The following PCDH15 variants were observed in gnomAD, a reference collection of about 807,000 sequenced individuals.
PCDH15 encodes the protein protocadherin-15.
In PCDH15, 129 loss-of-function variants were observed where a neutral mutation model predicts 178.5. The ratio of observed to expected loss-of-function variants is 0.72; its 90% CI spans 0.63 to 0.84. The LOEUF (loss-of-function observed/expected upper bound fraction) is 0.84. Ranked by LOEUF, PCDH15 falls within the 40% of genes least tolerant of loss-of-function variation. The pLI is 0.00. For synonymous variants in PCDH15, 800 were observed against 732.0 expected (o/e 1.09, Z -1.50); for missense variants, 2,230 against 2,099.9 (o/e 1.06, Z -1.21).
chr10:54,035,483 G>A (rs1287404821), intron 18 of PCDH15, among the ~76,000 whole-genome samples: 1 of 151,808 alleles, frequency 6.6e-6, no homozygotes, highest in East Asian at 1.9e-4. Flanking sequence ...TTGTGTTGGG[G>A]TGCCGCAGAA....
At chr10:55,145,633 C>T (rs1223120552) in intron 2 of PCDH15, among the ~76,000 whole-genome samples, 4 of 151,962 alleles carry the variant, frequency 2.6e-5, no homozygotes, top group African/African-American at 9.7e-5. Context: ...AGATGACATC[C>T]TTTGTTTCTT....
chr10:54,770,420 C>G (rs1948964728), intron 1 of PCDH15, among the ~76,000 whole-genome samples: 1 of 152,110 alleles, frequency 6.6e-6, no homozygotes. Context: ...CAGTTACCTT[C>G]TCATGAATGA....
intron 2 of PCDH15, among the ~76,000 whole-genome samples, chr10:54,635,613 G>T (rs1160572975): frequency 6.6e-6 from 1 of 151,750 alleles, no homozygotes; most frequent in Admixed American, 6.6e-5. Context: ...AATGAAAATT[G>T]TATTAGTTAG....
intron 2 of PCDH15, among the ~76,000 whole-genome samples, chr10:54,941,040 T>C (rs968482340): frequency 1.3e-5 from 2 of 152,140 alleles, no homozygotes; most frequent in African/African-American, 4.8e-5. Context: ...TAGATTTATG[T>C]CTTCCATTTT....
intron 2 of PCDH15, among the ~76,000 whole-genome samples, chr10:55,119,979 G>GTT (rs369317292): frequency 2.2e-4 from 32 of 146,750 alleles, no homozygotes; most frequent in African/African-American, 7.5e-4. Context: ...TGTCTTAAAT[G>GTT]TTTTTTTTTT....
intron 13 of PCDH15, among the ~76,000 whole-genome samples, chr10:54,164,817 A>G (rs1285344378): frequency 1.3e-5 from 2 of 152,206 alleles, no homozygotes; most frequent in Non-Finnish European, 2.9e-5. Flanking sequence ...AAGATATTAT[A>G]TCTAAAGTTA....
At chr10:54,682,659 CAG>C (rs1212856224) in intron 1 of PCDH15, among the ~76,000 whole-genome samples, 12 of 152,072 alleles carry the variant, frequency 7.9e-5, no homozygotes, top group Non-Finnish European at 1.8e-4. Context: ...GATGCTGTCT[CAG>C]AGAGCCCTTT....
At chr10:54,922,725 A>G (rs1598173) in intron 2 of PCDH15, among the ~76,000 whole-genome samples, 13 of 152,012 alleles carry the variant, frequency 8.6e-5, no homozygotes, top group African/African-American at 2.2e-4. Context: ...CCAGGCCACA[A>G]TGATGTAAGG....
intron 2 of PCDH15, among the ~76,000 whole-genome samples, chr10:55,044,110 T>A (rs971957571): frequency 5.9e-5 from 9 of 152,262 alleles, no homozygotes; most frequent in Admixed American, 5.9e-4. Flanking sequence ...GATGGAGATA[T>A]GAAAGGACAT....
intron 2 of PCDH15, among the ~76,000 whole-genome samples, chr10:54,945,393 A>ATAGT (rs1838174154): frequency 6.6e-6 from 1 of 151,676 alleles, no homozygotes. Flanking sequence ...AGATAGATAG[A>ATAGT]TATAAAAACA....
chr10:54,957,436 G>T (rs973279964), intron 2 of PCDH15, among the ~76,000 whole-genome samples: 3 of 151,616 alleles, frequency 2.0e-5, no homozygotes, highest in African/African-American at 7.3e-5. Context: ...AGTGTGTGTG[G>T]TAGGATAAAA....
intron 1 of PCDH15, among the ~76,000 whole-genome samples, chr10:55,289,627 T>C (rs1842959135): frequency 6.6e-6 from 1 of 152,116 alleles, no homozygotes; most frequent in South Asian, 2.1e-4. Context: ...GTGCATTTTA[T>C]ATAGGGATCC....
intron 3 of PCDH15, among the ~76,000 whole-genome samples, chr10:54,450,048 C>T (rs2076371642): frequency 6.6e-6 from 1 of 150,920 alleles, no homozygotes; most frequent in South Asian, 2.1e-4. Flanking sequence ...GTGGTGATAG[C>T]TCAAATAGAG....
intron 3 of PCDH15, among the ~76,000 whole-genome samples, chr10:54,445,382 A>T (rs2136215563): frequency 6.6e-6 from 1 of 151,634 alleles, no homozygotes; most frequent in East Asian, 1.9e-4. Context: ...ATTCCATATC[A>T]CCAGTTTGCT....
chr10:54,913,070 C>T (rs887582896), intron 2 of PCDH15, among the ~76,000 whole-genome samples: 2 of 152,108 alleles, frequency 1.3e-5, no homozygotes, highest in Non-Finnish European at 1.5e-5. Flanking sequence ...AAATTTACCG[C>T]CTAGCCATGT....
At chr10:55,401,554 G>T (rs1006395405) in intron 2 of PCDH15, among the ~76,000 whole-genome samples, 4 of 150,114 alleles carry the variant, frequency 2.7e-5, no homozygotes, top group Non-Finnish European at 5.9e-5. Flanking sequence ...ATCACTAACG[G>T]ACATGACTTA....
At chr10:55,588,606 T>C (rs1842773095) in intron 2 of PCDH15, among the ~76,000 whole-genome samples, 1 of 152,018 alleles carries the variant, frequency 6.6e-6, no homozygotes, top group Admixed American at 6.6e-5. Flanking sequence ...GTGAGAATAT[T>C]TGAGACAGAT....
At chr10:53,943,642 C>T (rs2086271100) in intron 23 of PCDH15, among the ~76,000 whole-genome samples, 2 of 152,070 alleles carry the variant, frequency 1.3e-5, no homozygotes, top group Admixed American at 6.6e-5. Context: ...TTTAAGAAGA[C>T]ATTTAAATCC....
chr10:55,340,229 A>G (rs7923695), intron 2 of PCDH15, among the ~76,000 whole-genome samples: 190 of 150,864 alleles, frequency 1.3e-3, no homozygotes, highest in African/African-American at 3.9e-3. Flanking sequence ...ATACATACAC[A>G]TACTAATGTA....
Sources: allele counts gnomAD v4.1 joint callset (sites outside exome capture counted in the v4.1 genomes callset), GRCh38; gene constraint gnomAD v4.1.1; transcripts MANE v1.5; gene names NCBI Gene and HGNC (gene_info 2026-07-23, HGNC 2026-07-21).